The following COLEC10 variants were observed in gnomAD, a reference collection of about 807,000 sequenced individuals.
COLEC10 encodes collectin-10.
In COLEC10, 22 loss-of-function variants were observed where a neutral mutation model predicts 28.4. The ratio of observed to expected loss-of-function variants is 0.78; its 90% confidence interval spans 0.55 to 1.11. The LOEUF is 1.11. COLEC10 is among the 50% of genes least tolerant of loss of function. The pLI, the probability that COLEC10 is intolerant of heterozygous loss-of-function variation, is 0.00. For synonymous variants in COLEC10, 125 were observed against 116.1 expected (o/e 1.08, Z -0.49); for missense variants, 361 against 344.1 (o/e 1.05, Z -0.39).
intron 1 of COLEC10, chr8:119,009,402 G>A (rs1813864689): frequency 6.6e-6 from 1 of 150,476 alleles, no homozygotes. Context: ...AGAGCTGGTT[G>A]TTATAAGACA....
chr8:119,017,895 G>A (rs759727414), intron 2 of COLEC10, among the ~76,000 whole-genome samples: 42 of 152,150 alleles, frequency 2.8e-4, no homozygotes, highest in Non-Finnish European at 5.0e-4. Context: ...AGAAGTCTGA[G>A]AATTCTGTGA....
the COLEC10 span, among the ~76,000 whole-genome samples, chr8:118,979,339 T>A: frequency 6.6e-6 from 1 of 152,076 alleles, no homozygotes; most frequent in African/African-American, 2.4e-5. Flanking sequence ...TTTATTTTAT[T>A]ATTTTAACTT....
chr8:119,079,099 T>C (rs1638925892), intron 1 of COLEC10, among the ~76,000 whole-genome samples: 1 of 151,680 alleles, frequency 6.6e-6, no homozygotes, highest in Non-Finnish European at 1.5e-5. Flanking sequence ...AAGGCTTCCT[T>C]CCCCCTTGTC....
intron 1 of COLEC10, among the ~76,000 whole-genome samples, chr8:119,069,629 A>AAAAAAATAAATATATAT (rs1554627284): frequency 2.3e-5 from 1 of 42,876 alleles, no homozygotes; most frequent in Non-Finnish European, 4.4e-5. Flanking sequence ...AAAAAAAAAA[A>AAAAAAATAAATATATAT]ATATATATAT....
At chr8:119,066,727 T>C (rs1814971305), upstream of COLEC10, among the ~76,000 whole-genome samples, 2 of 152,226 alleles carry the variant, frequency 1.3e-5, no homozygotes, top group Admixed American at 1.3e-4. Context: ...AAAAGCTGGT[T>C]GTTCTTTCCT....
At position 119,067,265 on chromosome 8, in the gene COLEC10, T is replaced by C. The variant is rs1814985258; in HGVS notation, c.-17T>C. 2 of 1,612,504 alleles carry C rather than the reference T, an allele frequency of 1.2e-6. No individual in the cohort carries two copies. The highest frequency in any genetic ancestry group is 1.7e-6 in the Non-Finnish European group (2 of 1,179,344). On this transcript the variant is annotated 5_prime_UTR_variant, in exon 1 of 6. Coordinates refer to ENST00000332843, the MANE Select transcript of COLEC10 (RefSeq NM_006438.5). ...ATTTGGCATTTCTGGGAGACCCTTT[T>C]CTGAGGAACCACAGCAATGAATGGC...
chr8:118,981,507 G>T, the COLEC10 span, among the ~76,000 whole-genome samples: 403 of 151,792 alleles, frequency 2.7e-3, 6 homozygotes, highest in African/African-American at 9.0e-3. Context: ...TTTTATCCTA[G>T]GTTTTTTAAA....
chr8:118,990,267 T>A, the COLEC10 span, among the ~76,000 whole-genome samples: 2 of 152,118 alleles, frequency 1.3e-5, no homozygotes, highest in Admixed American at 1.3e-4. Context: ...TGTATATGCA[T>A]ATAAATATAT....
chr8:118,963,503 C>T, the COLEC10 span, among the ~76,000 whole-genome samples: 1 of 152,196 alleles, frequency 6.6e-6, no homozygotes, highest in Non-Finnish European at 1.5e-5. Flanking sequence ...TTATATTTTA[C>T]TTTAGCACTT....
upstream of COLEC10, among the ~76,000 whole-genome samples, chr8:119,066,528 C>T (rs997895022): frequency 6.6e-6 from 1 of 152,124 alleles, no homozygotes; most frequent in Non-Finnish European, 1.5e-5. Flanking sequence ...GTAATTTGCC[C>T]ACTGTTAACA....
Position 119,106,908 on chromosome 8 carries a change from C to T in COLEC10, c.*717C>T, listed in dbSNP as rs1587070865. 1.3e-5 allele frequency among the ~76,000 whole-genome samples: 2 copies of T among 152,090 alleles called. No homozygotes were observed. Among genetic ancestry groups the T allele is most frequent in the South Asian group, 4.1e-4 (2 of 4,826 alleles). On this transcript the variant is annotated 3_prime_UTR_variant, in exon 6 of 6. Transcript: ENST00000332843. ...TGTAGGCTCACACCTTAATCTCAGGCCCCTATATAGTCACACTTTGATTTA... is the reference window on the plus strand; with the variant it reads ...TGTAGGCTCACACCTTAATCTCAGGTCCCTATATAGTCACACTTTGATTTA...
At position 119,079,292 on chromosome 8, in the gene COLEC10, A is replaced by G. The variant is rs549172776; in HGVS notation, c.149-10388A>G. Among the ~76,000 whole-genome samples, 4 of 152,250 alleles carry G rather than the reference A, an allele frequency of 2.6e-5. No individual in the cohort carries two copies. In the South Asian group the frequency reaches 8.3e-4, roughly 32 times the overall value. Reference sequence around the variant, plus strand: ...AGCAACCCTGTGAGGGAGGCACTTCATTATTCTGACTTGCTGATGAGCAAA... The same window carrying G: ...AGCAACCCTGTGAGGGAGGCACTTCGTTATTCTGACTTGCTGATGAGCAAA... On this transcript the variant is annotated intron_variant, in intron 1 of 5. Transcript: ENST00000332843.
chr8:119,023,899 T>A (rs1485285), intron 2 of COLEC10, among the ~76,000 whole-genome samples: 1 of 151,918 alleles, frequency 6.6e-6, no homozygotes, highest in South Asian at 2.1e-4. Context: ...GGGTGCATGG[T>A]AGTCCTGTAC....
At chr8:119,073,605 A>G (rs1815166842) in intron 1 of COLEC10, among the ~76,000 whole-genome samples, 1 of 151,934 alleles carries the variant, frequency 6.6e-6, no homozygotes, top group Admixed American at 6.6e-5. Context: ...ACTTAGAACA[A>G]TTTTTCATCT....
intron 1 of COLEC10, among the ~76,000 whole-genome samples, chr8:119,086,488 C>G (rs1815483978): frequency 6.6e-6 from 1 of 152,124 alleles, no homozygotes. Flanking sequence ...ATGCTGAAGG[C>G]TAGGGCTCAA....
In COLEC10 at chr8:119,106,797, C is replaced by T. The variant is rs1457601493; in HGVS notation, c.*606C>T. On this transcript the variant is annotated 3_prime_UTR_variant, in exon 6 of 6. Transcript: ENST00000332843. Reference sequence around the variant, plus strand: ...TTCTAGCTTTGTGTCTTGTTTCAGACCATGTGGAATGATAAATACTCTTTT... The same window carrying T: ...TTCTAGCTTTGTGTCTTGTTTCAGATCATGTGGAATGATAAATACTCTTTT... Among the ~76,000 whole-genome samples the T allele has an allele frequency of 6.6e-6, 1 of 152,114 alleles. No homozygotes were observed. The highest frequency in any genetic ancestry group is 1.5e-5 in the Non-Finnish European group (1 of 68,026).
At chr8:118,988,792 G>A in the COLEC10 span, among the ~76,000 whole-genome samples, 3 of 152,112 alleles carry the variant, frequency 2.0e-5, no homozygotes, top group Admixed American at 1.3e-4. Context: ...AAACTCTAGA[G>A]GAATTAGAAA....
intron 2 of COLEC10, among the ~76,000 whole-genome samples, chr8:119,010,742 T>C (rs1462361194): frequency 2.0e-5 from 3 of 151,174 alleles, no homozygotes; most frequent in African/African-American, 7.4e-5. Flanking sequence ...TTTCCATTTA[T>C]TTGATGACAT....
rs576962308 is a variant in COLEC10, at chr8:119,061,383, T to C, written n.236-28297T>C. On this transcript the variant is annotated intron_variant and non_coding_transcript_variant, in intron 2 of 6. Coordinates refer to the COLEC10 transcript ENST00000521788. ...AAGGACCTACAGTTAGCCAATACAGTAAATGCTAAAAGGTCCACATTAAGG... is the reference window on the plus strand; with the variant it reads ...AAGGACCTACAGTTAGCCAATACAGCAAATGCTAAAAGGTCCACATTAAGG... Among the ~76,000 whole-genome samples, 4 of 150,338 alleles carry C rather than the reference T, an allele frequency of 2.7e-5. No homozygotes were observed. In the South Asian group the frequency reaches 8.5e-4, roughly 32 times the overall value.
Sources: gnomAD v4.1 joint callset for allele counts (sites outside exome capture counted in the v4.1 genomes callset) on GRCh38, gnomAD v4.1.1 for gene constraint, MANE v1.5 for transcripts, NCBI Gene and HGNC (gene_info 2026-07-23, HGNC 2026-07-21) for gene names.